Variants in ASAP3 observed in about 807,000 individuals in gnomAD.
ASAP3 encodes the protein ArfGAP with SH3 domain, ankyrin repeat and PH domain 3, also known as arf-GAP with SH3 domain, ANK repeat and PH domain-containing protein 3.
A neutral mutation model predicts 118.2 loss-of-function variants in ASAP3; 85 were observed. The ratio of observed to expected loss-of-function variants is 0.72; its 90% confidence interval spans 0.60 to 0.86. ASAP3 has a LOEUF of 0.86. Ranked by LOEUF, ASAP3 falls within the 40% of genes least tolerant of loss-of-function variation. The pLI, the probability that ASAP3 is intolerant of heterozygous loss-of-function variation, is 0.00. For missense variants in ASAP3, 1,026 were observed against 1,175.0 expected (o/e 0.87, Z 1.85); for synonymous variants, 432 against 477.4 (o/e 0.90, Z 1.24).
chr1:23,438,799 C>A lies in ASAP3; in HGVS notation c.1050G>T (p.Thr350=). The A allele has an allele frequency of 6.2e-7, 1 of 1,614,188 alleles. No homozygotes were observed. ...CCTCAGGGTTTGGCCTCACTTGGCA[C>A]GTCAGCAGGGTCAGCTTCACCGGGG... is the stretch of plus-strand genomic sequence containing the variant. The part of the protein sequence containing the change: ...NRPPVKLTLL[T]CQVRPNPEEK... Residue 350 remains threonine, a synonymous_variant, in exon 12 of 25, where the codon ACG becomes ACT. Coordinates refer to ENST00000336689, the MANE Select transcript of ASAP3 (RefSeq NM_017707.4). The surrounding 1 kb of genome is among the most constrained non-coding windows in gnomAD (Gnocchi z 4.9).
intron 1 of ASAP3, among the ~76,000 whole-genome samples, chr1:23,473,595 G>T (rs924668960): frequency 1.3e-5 from 2 of 152,164 alleles, no homozygotes; most frequent in African/African-American, 4.8e-5. Context: ...CTTCTGCTCT[G>T]ACCTAAAGTT....
At chr1:23,479,255 G>A (rs1032647399) in intron 1 of ASAP3, among the ~76,000 whole-genome samples, 2 of 149,676 alleles carry the variant, frequency 1.3e-5, no homozygotes, top group Non-Finnish European at 3.0e-5. Context: ...ATGAGCGAAA[G>A]CACTGATCAG....
intron 1 of ASAP3, among the ~76,000 whole-genome samples, chr1:23,458,737 A>G (rs531063157): frequency 8.5e-4 from 129 of 152,216 alleles, no homozygotes; most frequent in Non-Finnish European, 1.4e-3. Context: ...GGCCACTTCT[A>G]TGGTTCCCCA....
intron 1 of ASAP3, among the ~76,000 whole-genome samples, chr1:23,472,620 C>T (rs1460698928): frequency 1.3e-5 from 2 of 152,166 alleles, no homozygotes; most frequent in African/African-American, 4.8e-5. Context: ...TGCTCTGGTG[C>T]CAGGACCGCA....
intron 10 of ASAP3, among the ~76,000 whole-genome samples, chr1:23,440,634 A>G (rs1009198181): frequency 1.3e-5 from 2 of 150,190 alleles, no homozygotes; most frequent in African/African-American, 4.9e-5. Context: ...AGGCGGGCGG[A>G]TCACAAGGTC....
chr1:23,484,119 G>T lies in ASAP3; in HGVS notation c.15C>A (p.Phe5Leu). 28 of 1,312,044 alleles carry T rather than the reference G, an allele frequency of 2.1e-5. No homozygotes were observed. The highest frequency in any genetic ancestry group is 2.6e-5 in the Non-Finnish European group (27 of 1,034,776). The allele number at this position is 1,312,044 out of a possible 1,614,324, so 81.3% of individuals were successfully genotyped here. MPEQ[F>L]SVAEFLAVTA... ...TGACGGCCAGGAACTCGGCGACGCT[G>T]AACTGCTCCGGCATGGCGGGCGCGA... Residue 5 changes from phenylalanine to leucine, a missense_variant, in exon 1 of 25, where the codon TTC (phenylalanine) becomes TTA (leucine). By Grantham distance (22) the Phe-to-Leu change is conservative (BLOSUM62 0). Coordinates refer to ENST00000336689, the MANE Select transcript of ASAP3 (RefSeq NM_017707.4).
Position 23,436,160 on chromosome 1 carries a change from C to T in ASAP3, c.1572-132G>A. On this transcript the variant is annotated intron_variant, in intron 16 of 24. Coordinates refer to ENST00000336689, the MANE Select transcript of ASAP3 (RefSeq NM_017707.4). The surrounding 1 kb of genome is among the most constrained non-coding windows in gnomAD (Gnocchi z 4.2). ...CCTGAAGACGTCTAGATCTGAGGCT[C>T]CCCTCTCCCCAGGCTTTTTTTTTAG... The T allele has an allele frequency of 9.9e-7, 1 of 1,008,788 alleles. No homozygotes were observed. The highest frequency in any genetic ancestry group is 1.4e-6 in the Non-Finnish European group (1 of 691,106). The allele number at this position is 1,008,788 out of a possible 1,614,324, so 62.5% of individuals were successfully genotyped here. A position where few individuals can be genotyped will look rare whatever the true frequency, so the allele number is the denominator to read the frequency against.
In ASAP3 at chr1:23,433,272, G is replaced by C; in HGVS notation, c.2128C>G (p.Arg710Gly). Residue 710 changes from arginine (R) to glycine (G), a missense_variant and splice_region_variant, in exon 22 of 25, where the codon CGC becomes GGC. Transcript: ENST00000336689. ...SDSEEDEEEKRCLLKLPAQAH... is the reference protein window; with the variant it reads ...SDSEEDEEEKGCLLKLPAQAH... The stretch of plus-strand genomic sequence containing the variant: ...TGGGCCGGGAGCTTCAGCAAGCAGC[G>C]CTGCCAGAGCAAAAGATTGAGGATG... The C allele has an allele frequency of 1.2e-6, 2 of 1,605,794 alleles. No homozygotes were observed.
intron 1 of ASAP3, among the ~76,000 whole-genome samples, chr1:23,469,462 A>G (rs1641892378): frequency 6.6e-6 from 1 of 152,282 alleles, no homozygotes; most frequent in Non-Finnish European, 1.5e-5. Context: ...GGTAATTCTC[A>G]ACATAGAAAG....
chr1:23,476,703 A>T (rs934828957), intron 1 of ASAP3, among the ~76,000 whole-genome samples: 1 of 152,188 alleles, frequency 6.6e-6, no homozygotes, highest in Non-Finnish European at 1.5e-5. Flanking sequence ...ACCCAAACTC[A>T]GCAGGTGCCA....
chr1:23,475,282 G>A (rs1018362016), intron 1 of ASAP3, among the ~76,000 whole-genome samples: 2 of 152,162 alleles, frequency 1.3e-5, no homozygotes, highest in South Asian at 4.2e-4. Flanking sequence ...GTGACACAGC[G>A]ATGGCATTTA....
chr1:23,429,739 G>T lies in ASAP3; in HGVS notation c.*117C>A. 1 of 1,042,822 alleles carries T rather than the reference G, an allele frequency of 9.6e-7. No homozygotes were observed. Among genetic ancestry groups the T allele is most frequent in the Non-Finnish European group, 1.4e-6 (1 of 721,828 alleles). The allele number at this position is 1,042,822 out of a possible 1,614,324, so 64.6% of individuals were successfully genotyped here. Reference sequence around the variant, plus strand: ...AAGAAGGCCAGCTACAGAGGCACAAGGGACAGAGAGAGTGAGATCCAAGAG... The same window carrying T: ...AAGAAGGCCAGCTACAGAGGCACAATGGACAGAGAGAGTGAGATCCAAGAG... On this transcript the variant is annotated 3_prime_UTR_variant, in exon 25 of 25. Transcript: ENST00000336689.
chr1:23,439,216 C>T lies in ASAP3; in HGVS notation c.959G>A (p.Trp320Ter). 6.2e-7 allele frequency: 1 copy of T among 1,614,084 alleles called. No homozygotes were observed. Among genetic ancestry groups the T allele is most frequent in the South Asian group, 1.1e-5 (1 of 91,070 alleles). The change falls in exon 11 of 25, where the codon TGG becomes TAG. Residue 320 changes from tryptophan to a stop codon, truncating the protein, a stop_gained. Transcript: ENST00000336689. LOFTEE classifies it high-confidence loss of function. ...YKKSDGIRRV[W>*]QKRKCGVKYG... is the part of the protein sequence containing the mutation. Reference sequence around the variant, plus strand: ...CTTGACTCCACACTTCCTTTTCTGCCAGACTCTTCGAATTCTAAAGCCCAG... The same window carrying T: ...CTTGACTCCACACTTCCTTTTCTGCTAGACTCTTCGAATTCTAAAGCCCAG...
At chr1:23,450,879 C>G (rs185783531) in intron 5 of ASAP3, among the ~76,000 whole-genome samples, 15 of 152,250 alleles carry the variant, frequency 9.9e-5, no homozygotes, top group Non-Finnish European at 1.8e-4. Flanking sequence ...GAGTCTCTGC[C>G]CAGGAGGAAT....
intron 6 of ASAP3, 82 bp from the exon 7 acceptor site, chr1:23,442,353 C>T: frequency 1.3e-6 from 2 of 1,564,754 alleles, no homozygotes; most frequent in Non-Finnish European, 8.7e-7. Context: ...CCATCCCAGG[C>T]TAATCCTCCT....
chr1:23,431,988 G>A (rs1640452584), intron 22 of ASAP3, 70 bp from the exon 23 acceptor site: 2 of 1,191,952 alleles, frequency 1.7e-6, no homozygotes, highest in Non-Finnish European at 2.4e-6. Context: ...CCTCAAAGCA[G>A]TCTCTGGCCT....
chr1:23,471,822 C>A, intron 1 of ASAP3, among the ~76,000 whole-genome samples: 1 of 152,352 alleles, frequency 6.6e-6, no homozygotes, highest in East Asian at 1.9e-4. Context: ...CAGACACCTT[C>A]TCTGTATCCA....
intron 1 of ASAP3, among the ~76,000 whole-genome samples, chr1:23,468,655 G>A (rs1242039624): frequency 1.5e-5 from 2 of 137,924 alleles, no homozygotes; most frequent in Non-Finnish European, 3.2e-5. Flanking sequence ...GGAGGATCAC[G>A]AGGTCAGGAG....
intron 5 of ASAP3, among the ~76,000 whole-genome samples, chr1:23,447,009 C>A (rs1641067309): frequency 6.6e-6 from 1 of 152,150 alleles, no homozygotes; most frequent in Non-Finnish European, 1.5e-5. Context: ...CAACCTAGAT[C>A]CCTGGCATGT....
Sources: allele counts gnomAD v4.1 joint callset (sites outside exome capture counted in the v4.1 genomes callset), GRCh38; gene constraint gnomAD v4.1.1; non-coding constraint Gnocchi (gnomAD v3.1); transcripts MANE v1.5; gene names NCBI Gene and HGNC (gene_info 2026-07-23, HGNC 2026-07-21).